The following ST3GAL1 variants were observed in gnomAD, a reference collection of about 807,000 sequenced individuals.
ST3GAL1 encodes the protein CMP-N-acetylneuraminate-beta-galactosamide-alpha-2,3-sialyltransferase 1.
Under a neutral mutation model 34.1 loss-of-function variants are expected in ST3GAL1, and 16 were observed. That is an observed-to-expected ratio of 0.47 (90% CI 0.32 to 0.71). The LOEUF (loss-of-function observed/expected upper bound fraction) is 0.71. Among genes scored for constraint, ST3GAL1 ranks in the 30% least tolerant of loss-of-function variants. The pLI is 0.04. For synonymous variants in ST3GAL1, 191 were observed against 184.7 expected, an observed-to-expected ratio of 1.03 and a Z score of -0.28; for missense variants, 353 against 447.4, an observed-to-expected ratio of 0.79 and a Z score of 1.90.
intron 1 of ST3GAL1, among the ~76,000 whole-genome samples, chr8:133,557,521 G>A (rs556652001): frequency 1.7e-4 from 26 of 152,222 alleles, no homozygotes; most frequent in South Asian, 4.2e-4. Flanking sequence ...TTGAGCTGTC[G>A]CACCAGCCAG....
intron 2 of ST3GAL1, among the ~76,000 whole-genome samples, chr8:133,542,993 G>A (rs147222929): frequency 1.4e-3 from 207 of 152,190 alleles, no homozygotes; most frequent in African/African-American, 4.6e-3. Flanking sequence ...ACACAATCCC[G>A]GAAGTTCTCC....
intron 2 of ST3GAL1, among the ~76,000 whole-genome samples, chr8:133,518,200 G>T (rs1388744611): frequency 2.0e-5 from 3 of 152,212 alleles, no homozygotes; most frequent in East Asian, 1.9e-4. Flanking sequence ...TCAGTGGAGG[G>T]CTGACCAGCT....
intron 1 of ST3GAL1, among the ~76,000 whole-genome samples, chr8:133,554,750 C>G (rs748117628): frequency 2.3e-5 from 3 of 131,220 alleles, no homozygotes; most frequent in Non-Finnish European, 4.7e-5. Context: ...TTTTTTGAGT[C>G]GGAGTCTTGC....
intron 3 of ST3GAL1, among the ~76,000 whole-genome samples, chr8:133,487,293 GTATATA>G (rs34125913): frequency 6.6e-6 from 1 of 150,442 alleles, no homozygotes; most frequent in Non-Finnish European, 1.5e-5. Context: ...AATACTATTG[GTATATA>G]TATATATATA....
At chr8:133,509,756 A>G (rs1279686519) in intron 2 of ST3GAL1, among the ~76,000 whole-genome samples, 2 of 152,212 alleles carry the variant, frequency 1.3e-5, no homozygotes, top group Non-Finnish European at 2.9e-5. Context: ...AATGTAACCC[A>G]GCAAAAATTA....
chr8:133,537,706 G>A lies in ST3GAL1; in HGVS notation c.-429+8068C>T, dbSNP rs531926564. Among the ~76,000 whole-genome samples the A allele has an allele frequency of 5.9e-5, 9 of 152,240 alleles. No individual in the cohort carries two copies. The South Asian group carries it at 1.9e-3, about 32-fold the overall frequency. On this transcript the variant is annotated intron_variant, in intron 2 of 9. Transcript: ENST00000522652. The stretch of plus-strand genomic sequence containing the variant: ...CAGCATCCATCTCCCCTGGGGGCCG[G>A]GATTGGCCCCACTGAATCAAGAAAA...
chr8:133,473,546 G>A (rs1008396934), intron 5 of ST3GAL1, among the ~76,000 whole-genome samples: 1 of 152,184 alleles, frequency 6.6e-6, no homozygotes, highest in Non-Finnish European at 1.5e-5. Context: ...TGGACTTAAC[G>A]TGGTCCCAGC....
At chr8:133,499,837 G>A (rs1420738706) in intron 2 of ST3GAL1, among the ~76,000 whole-genome samples, 1 of 152,140 alleles carries the variant, frequency 6.6e-6, no homozygotes, top group African/African-American at 2.4e-5. Context: ...GTCAAAGGCT[G>A]TTCTCACCCA....
At position 133,540,880 on chromosome 8, in the gene ST3GAL1, G is replaced by GAGACATATATAT. The variant is rs1230311851; in HGVS notation, c.-429+4882_-429+4893dup. 1.0e-3 allele frequency among the ~76,000 whole-genome samples: 46 copies of GAGACATATATAT among 45,052 alleles called. 2 individuals are homozygous for GAGACATATATAT. The highest frequency in any genetic ancestry group is 5.2e-3 in the African/African-American group (43 of 8,270). 29.6% of individuals were successfully genotyped at this position (45,052 alleles called of 152,430 possible). On this transcript the variant is annotated intron_variant, in intron 2 of 9. Transcript: ENST00000522652. ...ACATATATATAGAGACATATATATAGAGACATATATATAGACATATATATA... is the reference window on the plus strand; with the variant it reads ...ACATATATATAGAGACATATATATAGAGACATATATATAGACATATATATAGACATATATATA...
chr8:133,508,915 C>T lies in ST3GAL1; in HGVS notation c.-428-9726G>A, dbSNP rs191794424. On this transcript the variant is annotated intron_variant, in intron 2 of 9. Coordinates refer to ENST00000522652, the MANE Select transcript of ST3GAL1 (RefSeq NM_173344.3). The surrounding 1 kb of genome is among the most constrained non-coding windows in gnomAD (Gnocchi z 4.1). The stretch of plus-strand genomic sequence containing the variant: ...AAGTATGAAACTCAAGCTGGCTGCC[C>T]GCTGTGCTTTGAGTAATGAAGTCCC... 6.6e-5 allele frequency among the ~76,000 whole-genome samples: 10 copies of T among 152,182 alleles called. No individual in the cohort carries two copies. In the East Asian group the frequency reaches 1.7e-3, roughly 26 times the overall value.
intron 3 of ST3GAL1, among the ~76,000 whole-genome samples, chr8:133,497,532 G>A (rs1032474086): frequency 1.4e-4 from 18 of 124,882 alleles, no homozygotes; most frequent in African/African-American, 4.3e-4. Context: ...GTGCACGGGC[G>A]CAATCTCGGC....
intron 2 of ST3GAL1, among the ~76,000 whole-genome samples, chr8:133,519,711 T>A (rs1817746788): frequency 6.6e-6 from 1 of 152,026 alleles, no homozygotes; most frequent in Non-Finnish European, 1.5e-5. Flanking sequence ...TTTGGGAGGC[T>A]GAGGTGGGTG....
At position 133,458,871 on chromosome 8, in the gene ST3GAL1, G is replaced by A. The variant is rs1815391983; in HGVS notation, c.*893C>T. On this transcript the variant is annotated 3_prime_UTR_variant, in exon 10 of 10. Transcript: ENST00000522652. ...GTCAGAAACACGGTGCCAAGTTTGG[G>A]GTTTTTTTTCTTTTCTTTTTTTTTT... 6.7e-6 allele frequency: 1 copy of A among 150,264 alleles called. No homozygotes were observed. The highest frequency in any genetic ancestry group is 6.7e-5 in the Admixed American group (1 of 14,982). 9.3% of individuals were successfully genotyped at this position (150,264 alleles called of 1,614,324 possible). A position where few individuals can be genotyped will look rare whatever the true frequency, so the allele number is the denominator to read the frequency against.
chr8:133,471,246 G>A (rs969096267), intron 5 of ST3GAL1, among the ~76,000 whole-genome samples: 1 of 152,194 alleles, frequency 6.6e-6, no homozygotes, highest in Admixed American at 6.5e-5. Context: ...CATTGAATAA[G>A]TGAATGACAA....
At position 133,455,420 on chromosome 8, in the gene ST3GAL1, G is replaced by A. The variant is rs1056800681; in HGVS notation, c.*4344C>T. On this transcript the variant is annotated 3_prime_UTR_variant, in exon 10 of 10. Transcript: ENST00000522652. ...TGATCCTGACAAGCTGTGAGATGCT[G>A]TCTTGCCTGTCTCTGCCTTTTCTTC... 2 of 152,272 alleles carry A rather than the reference G, an allele frequency of 1.3e-5. No homozygotes were observed. The highest frequency in any genetic ancestry group is 1.3e-4 in the Admixed American group (2 of 15,288). The allele number at this position is 152,272 out of a possible 1,614,324, so 9.4% of individuals were successfully genotyped here. A position where few individuals can be genotyped will look rare whatever the true frequency, so the allele number is the denominator to read the frequency against.
intron 5 of ST3GAL1, among the ~76,000 whole-genome samples, chr8:133,472,724 T>A (rs1431663080): frequency 6.6e-6 from 1 of 152,102 alleles, no homozygotes; most frequent in African/African-American, 2.4e-5. Context: ...TCCTTCCAAG[T>A]GGCTGCCCTG....
intron 3 of ST3GAL1, among the ~76,000 whole-genome samples, chr8:133,497,011 C>A (rs548911710): frequency 2.3e-4 from 35 of 152,354 alleles, no homozygotes; most frequent in African/African-American, 8.2e-4. Flanking sequence ...ACTGCTCCCC[C>A]AGGCTGGTGC....
intron 3 of ST3GAL1, among the ~76,000 whole-genome samples, chr8:133,484,763 A>C (rs1816517045): frequency 6.6e-6 from 1 of 152,130 alleles, no homozygotes; most frequent in Non-Finnish European, 1.5e-5. Flanking sequence ...GCTGGGCTTT[A>C]AAAAGCCCAC....
At chr8:133,465,752 C>A in intron 6 of ST3GAL1, 142 bp downstream of exon 6, 1 of 821,186 alleles carries the variant, frequency 1.2e-6, no homozygotes, top group Non-Finnish European at 1.9e-6. Flanking sequence ...CCAGGGGGTG[C>A]AGTGTGGAGC....
Sources: allele counts gnomAD v4.1 joint callset (sites outside exome capture counted in the v4.1 genomes callset), GRCh38; gene constraint gnomAD v4.1.1; non-coding constraint Gnocchi (gnomAD v3.1); transcripts MANE v1.5; gene names NCBI Gene and HGNC (gene_info 2026-07-23, HGNC 2026-07-21).